Variants in ADSL observed in about 807,000 individuals in gnomAD.
ADSL encodes the protein adenylosuccinase.
Under a neutral mutation model 62.1 loss-of-function variants are expected in ADSL, and 44 were observed. The observed-to-expected ratio is 0.71, with a 90% confidence interval of 0.56 to 0.91. The LOEUF is 0.91. Among genes scored for constraint, ADSL ranks in the 40% least tolerant of loss-of-function variants. ADSL has a pLI of 0.00. For synonymous variants in ADSL, 198 were observed against 220.5 expected (o/e 0.90, Z 0.90); for missense variants, 531 against 627.4 (o/e 0.85, Z 1.64).
rs376478433 is a variant in ADSL at position 40,351,731 on chromosome 22, G to A, written c.358-1342G>A. 1.7e-3 allele frequency among the ~76,000 whole-genome samples: 262 copies of A among 152,050 alleles called. 1 individual carries two copies. Among genetic ancestry groups the A allele is most frequent in the Non-Finnish European group, 3.0e-3 (202 of 67,968 alleles). Reference sequence around the variant, plus strand: ...AAATGCTTTCTTATTTTTTTGAGACGGAGTCTCGCTCTGTCTCCCAGGCTG... The same window carrying A: ...AAATGCTTTCTTATTTTTTTGAGACAGAGTCTCGCTCTGTCTCCCAGGCTG... On this transcript the variant is annotated intron_variant, in intron 2 of 12. Transcript: ENST00000623063.
intron 2 of ADSL, among the ~76,000 whole-genome samples, chr22:40,375,213 T>G (rs1024977074): frequency 3.9e-5 from 6 of 152,230 alleles, no homozygotes; most frequent in African/African-American, 1.4e-4. Flanking sequence ...ACTAATGATG[T>G]AAATTGTTTT....
chr22:40,352,830 C>G (rs2044400543), intron 2 of ADSL, among the ~76,000 whole-genome samples: 1 of 152,142 alleles, frequency 6.6e-6, no homozygotes. Context: ...GTACCTTGGG[C>G]TTTATAAGTA....
chr22:40,347,846 C>T lies in ADSL; in HGVS notation c.153+1135C>T, dbSNP rs187668227. On this transcript the variant is annotated intron_variant, in intron 1 of 12. Transcript: ENST00000623063. ...AAGCATCAACTTAATAAACTCTTGG[C>T]GTAGATAGCGATAGTAGTAGACCTT... Among the ~76,000 whole-genome samples, 14 of 152,252 alleles carry T rather than the reference C, an allele frequency of 9.2e-5. No individual in the cohort carries two copies. In the East Asian group the frequency reaches 1.7e-3, roughly 19 times the overall value.
Position 40,356,606 on chromosome 22 carries a change from G to A in ADSL, c.483-2258G>A, listed in dbSNP as rs1430388820. Among the ~76,000 whole-genome samples the A allele has an allele frequency of 2.0e-5, 3 of 152,104 alleles. No individual in the cohort carries two copies. The East Asian group carries it at 5.8e-4, about 29-fold the overall frequency. ...ATGGCTGTAATCTCGGCACTTTGCG[G>A]GGCCAAGGCAGGACGATAGCTTGAG... On this transcript the variant is annotated intron_variant, in intron 4 of 12. Transcript: ENST00000623063.
chr22:40,385,261 T>C (rs767837725), intron 2 of ADSL, among the ~76,000 whole-genome samples: 12 of 152,112 alleles, frequency 7.9e-5, no homozygotes, highest in Non-Finnish European at 1.6e-4. Context: ...AGTGAGTTGA[T>C]TGATGAAGCA....
chr22:40,361,163 C>T (rs1323432451), intron 7 of ADSL, 110 bp from the exon 8 acceptor site: 2 of 1,037,238 alleles, frequency 1.9e-6, no homozygotes, highest in African/African-American at 1.6e-5. Flanking sequence ...GTCTTCAGCT[C>T]AGCCACAGCA....
intron 7 of ADSL, 45 bp from the exon 8 acceptor site, chr22:40,361,228 C>T: frequency 1.3e-6 from 2 of 1,575,286 alleles, no homozygotes; most frequent in Non-Finnish European, 1.7e-6. Context: ...GACTCTACTG[C>T]ACACTGACAG....
At chr22:40,360,317 TC>T in intron 6 of ADSL, 84 bp from the exon 7 acceptor site, 1 of 1,158,712 alleles carries the variant, frequency 8.6e-7, no homozygotes, top group Non-Finnish European at 1.3e-6. Flanking sequence ...TCCGTTAGCC[TC>T]CTAAGTAGCT....
rs770899805 is a variant in ADSL at position 40,359,325 on chromosome 22, G to A, written c.701+19G>A. On this transcript the variant is annotated intron_variant, in intron 6 of 12. Coordinates refer to ENST00000623063, the MANE Select transcript of ADSL (RefSeq NM_000026.4). The stretch of plus-strand genomic sequence containing the variant: ...TTAAGAGGTAGGTAAATGGGAATGT[G>A]TTGGCCTCCCTGTTAAGTTGATGGA... 2 of 1,612,760 alleles carry A rather than the reference G, an allele frequency of 1.2e-6. No individual in the cohort carries two copies. Among genetic ancestry groups the A allele is most frequent in the Admixed American group, 1.7e-5 (1 of 60,008 alleles).
chr22:40,382,060 G>A (rs894375776), intron 2 of ADSL, among the ~76,000 whole-genome samples: 2 of 152,120 alleles, frequency 1.3e-5, no homozygotes, highest in Non-Finnish European at 2.9e-5. Context: ...GTCCTGTCTA[G>A]GATCTAGCCT....
At chr22:40,356,032 C>CAAA (rs1212379585) in intron 4 of ADSL, among the ~76,000 whole-genome samples, 1 of 55,336 alleles carries the variant, frequency 1.8e-5, no homozygotes, top group Non-Finnish European at 3.4e-5. Context: ...ACTAAAAATA[C>CAAA]AAAAAAAAAA....
In ADSL at chr22:40,354,799, G is replaced by A. The variant is rs189923745; in HGVS notation, c.482+472G>A. ...CAGGAGAATCACTTGAACCCGGGAC[G>A]CGGAGGTTGCAGTGAGCCAAGATCG... On this transcript the variant is annotated intron_variant, in intron 4 of 12. Coordinates refer to ENST00000623063, the MANE Select transcript of ADSL (RefSeq NM_000026.4). Among the ~76,000 whole-genome samples the A allele has an allele frequency of 3.4e-4, 51 of 151,704 alleles. No homozygotes were observed. The Middle Eastern group carries it at 0.01, about 31-fold the overall frequency.
chr22:40,369,867 C>T (rs2045149413), downstream of ADSL, among the ~76,000 whole-genome samples: 1 of 152,142 alleles, frequency 6.6e-6, no homozygotes, highest in African/African-American at 2.4e-5. Flanking sequence ...GCCCTCTTTC[C>T]CTGGCTGATG....
chr22:40,350,070 T>C (rs760230811), intron 2 of ADSL, 35 bp downstream of exon 2: 1 of 1,572,774 alleles, frequency 6.4e-7, no homozygotes, highest in East Asian at 2.2e-5. Context: ...TAAAACTCAG[T>C]CTCTAGAATC....
chr22:40,346,867 A>C (rs926893742), intron 1 of ADSL, among the ~76,000 whole-genome samples, 156 bp downstream of exon 1: 6 of 152,166 alleles, frequency 3.9e-5, no homozygotes, highest in African/African-American at 1.4e-4. Flanking sequence ...GGCCCCAGGA[A>C]AGCAAGGGCA....
intron 2 of ADSL, among the ~76,000 whole-genome samples, chr22:40,352,460 G>A (rs1406673567): frequency 6.6e-6 from 1 of 152,104 alleles, no homozygotes; most frequent in East Asian, 1.9e-4. Context: ...CCCGGGAGGT[G>A]GAGCTCGCAG....
rs756210458 is a variant in ADSL at position 40,354,266 on chromosome 22, C to G, written c.421C>G (p.Arg141Gly). Residue 141 changes from arginine to glycine, a missense_variant, in exon 4 of 13, where the codon CGG becomes GGG. By Grantham distance (125) the Arg-to-Gly change is moderately radical. Around this residue, in one of 2 missense-constraint regions of ADSL, gnomAD observed 471 missense variants for 592.9 expected, o/e 0.79. Coordinates refer to ENST00000623063, the MANE Select transcript of ADSL (RefSeq NM_000026.4). ...LLPKLARVIS[R>G]LADFAKERAS... ...CTTGTAGCTTGCCAGAGTGATCTCTCGGCTTGCCGACTTTGCTAAGGAACG... is the reference window on the plus strand; with the variant it reads ...CTTGTAGCTTGCCAGAGTGATCTCTGGGCTTGCCGACTTTGCTAAGGAACG... 1.2e-6 allele frequency: 2 copies of G among 1,614,136 alleles called. No individual in the cohort carries two copies. The highest frequency in any genetic ancestry group is 1.1e-5 in the South Asian group (1 of 91,078).
At position 40,364,992 on chromosome 22, in the gene ADSL, C is replaced by T. The variant is rs1217328076; in HGVS notation, c.1304C>T (p.Pro435Leu). 8 of 1,614,056 alleles carry T rather than the reference C, an allele frequency of 5.0e-6. No individual in the cohort carries two copies. The highest frequency in any genetic ancestry group is 6.8e-6 in the Non-Finnish European group (8 of 1,179,950). The stretch of plus-strand genomic sequence containing the variant: ...ATCCAGGTTGATGCCTACTTCAGTC[C>T]CATTCACTCCCAGTTGGATCATTTA... ...ERIQVDAYFSPIHSQLDHLLD... is the reference protein window; with the variant it reads ...ERIQVDAYFSLIHSQLDHLLD... Residue 435 changes from proline to leucine, a missense_variant, in exon 12 of 13, where the codon CCC (proline) becomes CTC (leucine). By Grantham distance (98) the Pro-to-Leu change is moderately conservative (BLOSUM62 -3). Transcript: ENST00000623063.
chr22:40,357,912 C>T (rs1343989751), intron 4 of ADSL, among the ~76,000 whole-genome samples: 1 of 151,964 alleles, frequency 6.6e-6, no homozygotes, highest in Non-Finnish European at 1.5e-5. Flanking sequence ...GCTGGGATTA[C>T]AAACACCCGC....
Sources: gnomAD v4.1 joint callset for allele counts (sites outside exome capture counted in the v4.1 genomes callset) on GRCh38, gnomAD v4.1.1 for gene constraint, gnomAD v4.1.1 regional missense constraint, MANE v1.5 for transcripts, NCBI Gene and HGNC (gene_info 2026-07-23, HGNC 2026-07-21) for gene names.